Variants in C4orf17 observed in about 807,000 individuals in gnomAD.
C4orf17 encodes the protein uncharacterized protein C4orf17.
A neutral mutation model predicts 32.0 loss-of-function variants in C4orf17; 25 were observed. The ratio of observed to expected loss-of-function variants is 0.78; its 90% confidence interval spans 0.57 to 1.09. C4orf17 has a LOEUF of 1.09. C4orf17 is among the 50% of genes least tolerant of loss of function. The pLI, the probability that C4orf17 is intolerant of heterozygous loss-of-function variation, is 0.00. For synonymous variants in C4orf17, 149 were observed against 145.8 expected, an observed-to-expected ratio of 1.02 and a Z score of -0.16; for missense variants, 420 against 420.0, an observed-to-expected ratio of 1.00 and a Z score of 0.00.
At chr4:99,524,636 C>A in intron 4 of C4orf17, 51 bp downstream of exon 4, 1 of 1,149,994 alleles carries the variant, frequency 8.7e-7, no homozygotes, top group South Asian at 1.4e-5. Flanking sequence ...TCTATAAGTT[C>A]CTCTCCTTTT....
intron 8 of C4orf17, chr4:99,541,608 A>G (rs1337531893): frequency 3.3e-6 from 1 of 305,542 alleles, no homozygotes; most frequent in Non-Finnish European, 6.1e-6. Context: ...TATCAGGACC[A>G]TAGATCTTCC....
chr4:99,536,098 T>G, intron 5 of C4orf17: 1 of 370,792 alleles, frequency 2.7e-6, no homozygotes, highest in East Asian at 8.0e-5. Flanking sequence ...CTCCTTCCTC[T>G]GGGATCTCCA....
chr4:99,524,433 A>G, intron 3 of C4orf17, 88 bp from the exon 4 acceptor site: 2 of 596,150 alleles, frequency 3.4e-6, no homozygotes, highest in Non-Finnish European at 5.3e-6. Flanking sequence ...GAAACACTCT[A>G]TCTATTTCAG....
At chr4:99,530,182 C>T (rs185755322) in intron 5 of C4orf17, among the ~76,000 whole-genome samples, 82 of 152,220 alleles carry the variant, frequency 5.4e-4, no homozygotes, top group African/African-American at 1.6e-3. Flanking sequence ...TTGATTCAGA[C>T]GTAATGAAAA....
intron 2 of C4orf17, among the ~76,000 whole-genome samples, chr4:99,520,979 T>C (rs1187501846): frequency 1.3e-5 from 2 of 152,222 alleles, no homozygotes; most frequent in Admixed American, 1.3e-4. Flanking sequence ...ATCAGAAATG[T>C]AAAATCATTT....
intron 6 of C4orf17, 77 bp from the exon 7 acceptor site, chr4:99,539,086 T>C: frequency 7.8e-7 from 1 of 1,282,654 alleles, no homozygotes; most frequent in Non-Finnish European, 1.1e-6. Context: ...ACTCAGGAGC[T>C]GGATATTCCT....
chr4:99,512,581 G>C (rs1405442245), intron 1 of C4orf17, among the ~76,000 whole-genome samples: 3 of 151,842 alleles, frequency 2.0e-5, no homozygotes, highest in Admixed American at 1.3e-4. Flanking sequence ...CAATATGAAG[G>C]GACTTAACTT....
chr4:99,517,021 A>G (rs951927629), intron 2 of C4orf17, among the ~76,000 whole-genome samples: 1 of 152,136 alleles, frequency 6.6e-6, no homozygotes, highest in Non-Finnish European at 1.5e-5. Flanking sequence ...GTTTGATTTG[A>G]TGGCTCGCTT....
In C4orf17 at chr4:99,529,878, T is replaced by C; in HGVS notation, c.466T>C (p.Ser156Pro). The C allele has an allele frequency of 1.9e-6, 3 of 1,612,472 alleles. No homozygotes were observed. The highest frequency in any genetic ancestry group is 1.3e-5 in the African/African-American group (1 of 74,208). ...PKACSTPGSC[S>P]SGMTSTKNDV... is the part of the protein sequence containing the mutation. ...GGCATGCTCTACTCCTGGCTCCTGT[T>C]CTTCAGGGATGACAAGTACCAAGAA... Residue 156 changes from serine (S) to proline (P), a missense_variant, in exon 5 of 9, where the codon TCT (serine) becomes CCT (proline). Physicochemically the swap from Ser to Pro is moderately conservative, Grantham distance 74 (BLOSUM62 -1). Coordinates refer to ENST00000326581, the MANE Select transcript of C4orf17 (RefSeq NM_032149.3).
chr4:99,531,532 A>G (rs928069879), intron 5 of C4orf17, among the ~76,000 whole-genome samples: 3 of 152,066 alleles, frequency 2.0e-5, no homozygotes, highest in African/African-American at 7.2e-5. Context: ...CCTCCTCTCA[A>G]AAGCATCTTC....
intron 4 of C4orf17, among the ~76,000 whole-genome samples, chr4:99,529,435 G>A (rs891212553): frequency 6.6e-6 from 1 of 152,152 alleles, no homozygotes; most frequent in Non-Finnish European, 1.5e-5. Context: ...TTGCTTCACA[G>A]ACAAAGCATA....
In C4orf17 at chr4:99,521,200, C is replaced by T. The variant is rs188552879; in HGVS notation, c.128-1300C>T. Among the ~76,000 whole-genome samples, 35 of 152,104 alleles carry T rather than the reference C, an allele frequency of 2.3e-4. No individual in the cohort carries two copies. The East Asian group carries it at 4.6e-3, about 20-fold the overall frequency. On this transcript the variant is annotated intron_variant, in intron 2 of 8. Transcript: ENST00000326581. Reference sequence around the variant, plus strand: ...CAGCCTGTCCAACATGGTGAAACCTCGTCTCTACCAAAGATACAAAAAATT... The same window carrying T: ...CAGCCTGTCCAACATGGTGAAACCTTGTCTCTACCAAAGATACAAAAAATT...
At chr4:99,531,511 T>C (rs1399699443) in intron 5 of C4orf17, among the ~76,000 whole-genome samples, 1 of 152,118 alleles carries the variant, frequency 6.6e-6, no homozygotes, top group Non-Finnish European at 1.5e-5. Flanking sequence ...TCTGGGCATC[T>C]ATGAAAGAGC....
chr4:99,529,748 A>G, intron 4 of C4orf17, 67 bp from the exon 5 acceptor site: 3 of 1,330,246 alleles, frequency 2.3e-6, no homozygotes, highest in African/African-American at 1.5e-5. Context: ...TTCATTTTAC[A>G]TTGAATTTTC....
intron 5 of C4orf17, among the ~76,000 whole-genome samples, chr4:99,530,398 T>C (rs1723459495): frequency 6.6e-6 from 1 of 152,152 alleles, no homozygotes; most frequent in South Asian, 2.1e-4. Flanking sequence ...CTGTCTGGGG[T>C]TATAAACTTA....
intron 8 of C4orf17, 59 bp downstream of exon 8, chr4:99,540,514 G>A (rs1334961679): frequency 9.2e-7 from 1 of 1,082,106 alleles, no homozygotes; most frequent in Non-Finnish European, 1.4e-6. Flanking sequence ...AAGTACTAAT[G>A]ACTCAGGGAA....
At chr4:99,514,051 A>G (rs1027542013) in intron 2 of C4orf17, among the ~76,000 whole-genome samples, 5 of 152,122 alleles carry the variant, frequency 3.3e-5, no homozygotes, top group Non-Finnish European at 7.3e-5. Flanking sequence ...TATTGGGCGT[A>G]ATCTAAATAG....
intron 5 of C4orf17, among the ~76,000 whole-genome samples, chr4:99,537,261 CA>C (rs1723576980): frequency 6.6e-6 from 1 of 152,106 alleles, no homozygotes; most frequent in Non-Finnish European, 1.5e-5. Flanking sequence ...CTGCTCAGGG[CA>C]AGCCGCAGTG....
chr4:99,516,125 G>A (rs1723176830), intron 2 of C4orf17, among the ~76,000 whole-genome samples: 1 of 152,210 alleles, frequency 6.6e-6, no homozygotes, highest in African/African-American at 2.4e-5. Context: ...AGAAGGTGAA[G>A]TCATTTCATT....
Sources: allele counts gnomAD v4.1 joint callset (sites outside exome capture counted in the v4.1 genomes callset), GRCh38; gene constraint gnomAD v4.1.1; transcripts MANE v1.5; gene names NCBI Gene and HGNC (gene_info 2026-07-23, HGNC 2026-07-21).